Variants in TBL1XR1 observed in about 807,000 individuals in gnomAD.
The protein encoded by TBL1XR1 is TBL1X/Y related 1.
Under a neutral mutation model 66.9 loss-of-function variants are expected in TBL1XR1, and 5 were observed. The observed-to-expected ratio is 0.07, with a 90% CI of 0.04 to 0.16. The LOEUF is 0.16. TBL1XR1 is among the 10% of genes least tolerant of loss of function. The pLI is 1.00. For missense variants in TBL1XR1, 238 were observed against 623.2 expected (o/e 0.38, Z 6.58); for synonymous variants, 210 against 206.0 (o/e 1.02, Z -0.17).
At chr3:177,066,217 C>A (rs1238519174) in intron 2 of TBL1XR1, among the ~76,000 whole-genome samples, 1 of 152,152 alleles carries the variant, frequency 6.6e-6, no homozygotes, top group Non-Finnish European at 1.5e-5. Flanking sequence ...CAAACTGCTA[C>A]TGCCCTACAT....
intron 1 of TBL1XR1, among the ~76,000 whole-genome samples, chr3:177,181,569 T>C (rs1734826831): frequency 6.6e-6 from 1 of 151,142 alleles, no homozygotes; most frequent in Admixed American, 6.6e-5. Context: ...TAGATTGTGA[T>C]AGATTCCATG....
chr3:177,043,755 C>T (rs1422245430), intron 10 of TBL1XR1, among the ~76,000 whole-genome samples: 1 of 151,906 alleles, frequency 6.6e-6, no homozygotes, highest in African/African-American at 2.4e-5. Flanking sequence ...TCTGTTCTTT[C>T]CCCTTTTTGT....
Position 177,146,589 on chromosome 3 carries a change from CAAA to C in TBL1XR1, c.-121-48051_-121-48049del, listed in dbSNP as rs78065426. Among the ~76,000 whole-genome samples the C allele has an allele frequency of 2.7e-4, 14 of 51,966 alleles. 1 individual carries two copies. The highest frequency in any genetic ancestry group is 7.8e-4 in the East Asian group (1 of 1,284). The allele number at this position is 51,966 out of a possible 152,430, so 34.1% of individuals were successfully genotyped here. A position where few individuals can be genotyped will look rare whatever the true frequency, so the allele number is the denominator to read the frequency against. ...TGGGCAGCTGAGCGAGACTCCATCT[CAAA>C]AAAAAAAAAAAAAAAGTTGTATTCA... On this transcript the variant is annotated intron_variant, in intron 1 of 15. Transcript: ENST00000457928.
intron 13 of TBL1XR1, among the ~76,000 whole-genome samples, chr3:177,033,621 T>C (rs903220506): frequency 2.0e-5 from 3 of 152,192 alleles, no homozygotes; most frequent in Admixed American, 2.0e-4. Context: ...AGAATATCAT[T>C]ATAACTTGAA....
chr3:177,130,301 T>C (rs1728146733), intron 1 of TBL1XR1, among the ~76,000 whole-genome samples: 1 of 152,132 alleles, frequency 6.6e-6, no homozygotes, highest in African/African-American at 2.4e-5. Context: ...TGCTGCATTA[T>C]AAAAAGAAAC....
Position 177,135,001 on chromosome 3 carries a change from G to A in TBL1XR1, c.-121-36460C>T, listed in dbSNP as rs1459583813. ...TGTCTGTGTGTGTGTGTTTTGAGACGGCGTCTTGCTCTGTCACTCAGGCTG... is the reference window on the plus strand; with the variant it reads ...TGTCTGTGTGTGTGTGTTTTGAGACAGCGTCTTGCTCTGTCACTCAGGCTG... On this transcript the variant is annotated intron_variant, in intron 1 of 15. Transcript: ENST00000457928. 2.1e-5 allele frequency among the ~76,000 whole-genome samples: 3 copies of A among 139,788 alleles called. No individual in the cohort carries two copies. The East Asian group carries it at 7.0e-4, about 32-fold the overall frequency. 91.7% of individuals were successfully genotyped at this position (139,788 alleles called of 152,430 possible).
chr3:177,131,831 C>A (rs1488256391), intron 1 of TBL1XR1, among the ~76,000 whole-genome samples: 1 of 151,068 alleles, frequency 6.6e-6, no homozygotes, highest in Non-Finnish European at 1.5e-5. Flanking sequence ...TCTTAAAACA[C>A]ATTAACGAAT....
At chr3:177,135,307 C>CTGTCTGTGTGTG (rs1553852678) in intron 1 of TBL1XR1, among the ~76,000 whole-genome samples, 4,176 of 72,516 alleles carry the variant, frequency 0.058, 453 homozygotes, top group Middle Eastern at 0.076. Flanking sequence ...AGGCCGCACT[C>CTGTCTGTGTGTG]TGTGTGTGTG....
intron 10 of TBL1XR1, among the ~76,000 whole-genome samples, chr3:177,042,082 C>T (rs924287038): frequency 1.3e-5 from 2 of 152,168 alleles, no homozygotes; most frequent in African/African-American, 4.8e-5. Context: ...CTAGTTTACA[C>T]GTCGTTTTCC....
intron 10 of TBL1XR1, chr3:177,041,045 C>G (rs1357169890): frequency 1.3e-5 from 2 of 152,168 alleles, no homozygotes; most frequent in Non-Finnish European, 2.9e-5. Context: ...GAATTCCCAA[C>G]AAAGTAAACA....
chr3:177,083,239 C>T (rs1029405053), intron 2 of TBL1XR1, among the ~76,000 whole-genome samples: 5 of 152,124 alleles, frequency 3.3e-5, no homozygotes, highest in African/African-American at 9.7e-5. Flanking sequence ...TTACCAATTC[C>T]ATGAATTCCA....
chr3:177,031,001 A>G (rs1424313920), intron 14 of TBL1XR1, among the ~76,000 whole-genome samples: 1 of 152,128 alleles, frequency 6.6e-6, no homozygotes, highest in Non-Finnish European at 1.5e-5. Context: ...AATCCCAGCT[A>G]CTCATGGGGC....
At chr3:177,135,564 A>T (rs1201935925) in intron 1 of TBL1XR1, among the ~76,000 whole-genome samples, 2 of 148,964 alleles carry the variant, frequency 1.3e-5, no homozygotes, top group Admixed American at 1.3e-4. Flanking sequence ...TTGTATTTTT[A>T]GTAGAGACGG....
chr3:177,081,980 C>T (rs940756905), intron 2 of TBL1XR1, among the ~76,000 whole-genome samples: 1 of 152,060 alleles, frequency 6.6e-6, no homozygotes, highest in East Asian at 1.9e-4. Flanking sequence ...CTAGCTGGTA[C>T]ACAGTGTGAA....
At chr3:177,048,124 A>G (rs1388212523) in intron 7 of TBL1XR1, among the ~76,000 whole-genome samples, 1 of 152,174 alleles carries the variant, frequency 6.6e-6, no homozygotes, top group Non-Finnish European at 1.5e-5. Flanking sequence ...AAGATCAACA[A>G]GGAAAAGAGC....
Position 177,024,753 on chromosome 3 carries a change from AC to A in TBL1XR1, c.*744del. The stretch of plus-strand genomic sequence containing the variant: ...AAAGCAAAACAAAAAAACAAAACCA[AC>A]AGAGCATAATACCCTTTTACTGATG... On this transcript the variant is annotated 3_prime_UTR_variant, in exon 16 of 16. Coordinates refer to ENST00000457928, the MANE Select transcript of TBL1XR1 (RefSeq NM_024665.7). 6.6e-6 allele frequency: 1 copy of A among 151,966 alleles called. No individual in the cohort carries two copies. The highest frequency in any genetic ancestry group is 2.1e-4 in the South Asian group (1 of 4,818). 9.4% of individuals were successfully genotyped at this position (151,966 alleles called of 1,614,324 possible).
chr3:177,179,598 G>A (rs1734567411), intron 1 of TBL1XR1, among the ~76,000 whole-genome samples: 1 of 152,208 alleles, frequency 6.6e-6, no homozygotes, highest in African/African-American at 2.4e-5. Flanking sequence ...GGTTGCAGAA[G>A]TTATTCCTAA....
chr3:177,163,571 A>G (rs1732473407), intron 1 of TBL1XR1, among the ~76,000 whole-genome samples: 1 of 152,144 alleles, frequency 6.6e-6, no homozygotes, highest in South Asian at 2.1e-4. Flanking sequence ...ATAAGGTAAA[A>G]ACAGCAAAAC....
intron 2 of TBL1XR1, among the ~76,000 whole-genome samples, chr3:177,087,749 G>A (rs1168206569): frequency 6.6e-6 from 1 of 151,690 alleles, no homozygotes; most frequent in African/African-American, 2.4e-5. Context: ...TGAATGAAAG[G>A]AAAAAAGAAT....
Sources: allele counts gnomAD v4.1 joint callset (sites outside exome capture counted in the v4.1 genomes callset), GRCh38; gene constraint gnomAD v4.1.1; transcripts MANE v1.5; gene names NCBI Gene and HGNC (gene_info 2026-07-23, HGNC 2026-07-21).